Variants in CPNE4 observed in about 807,000 individuals in gnomAD.
CPNE4 encodes copine-4.
CPNE4 carries 25 observed loss-of-function variants against 67.9 expected under a neutral mutation model. That is an observed-to-expected ratio of 0.37 (90% confidence interval 0.27 to 0.51). The LOEUF (loss-of-function observed/expected upper bound fraction) is 0.51. CPNE4 is among the 20% of genes least tolerant of loss of function. The probability of loss-of-function intolerance (pLI) is 0.93; values close to 1 mark genes in which losing one functional copy is unlikely to be tolerated. For synonymous variants in CPNE4, 242 were observed against 244.9 expected, an observed-to-expected ratio of 0.99 and a Z score of 0.11; for missense variants, 464 against 690.8, an observed-to-expected ratio of 0.67 and a Z score of 3.68.
rs1446739775 is a variant in CPNE4 at position 132,015,250 on chromosome 3, AG to A, written c.-2+19316del. 4.6e-5 allele frequency among the ~76,000 whole-genome samples: 7 copies of A among 152,278 alleles called. No homozygotes were observed. In the East Asian group the frequency reaches 1.4e-3, roughly 29 times the overall value. ...CAAATTATTGCACATCTCTGGGCTT[AG>A]GTTTTTCTTATTTATAACACAGAGA... On this transcript the variant is annotated intron_variant, in intron 1 of 15. Transcript: ENST00000429747.
intron 2 of CPNE4, among the ~76,000 whole-genome samples, chr3:131,729,331 G>A (rs2082074539): frequency 6.6e-6 from 1 of 152,124 alleles, no homozygotes; most frequent in African/African-American, 2.4e-5. Context: ...ATAAAGAATG[G>A]CTTTATGTTT....
At chr3:131,946,840 T>G (rs1417436193) in intron 1 of CPNE4, among the ~76,000 whole-genome samples, 1 of 152,154 alleles carries the variant, frequency 6.6e-6, no homozygotes, top group Non-Finnish European at 1.5e-5. Flanking sequence ...CTCTTATATT[T>G]ATTTAGGTGT....
At chr3:131,679,609 G>A (rs1399143871) in intron 6 of CPNE4, among the ~76,000 whole-genome samples, 1 of 152,148 alleles carries the variant, frequency 6.6e-6, no homozygotes, top group South Asian at 2.1e-4. Flanking sequence ...CTGTGTCCCA[G>A]AGATTGTGGT....
intron 7 of CPNE4, among the ~76,000 whole-genome samples, chr3:131,625,170 C>T (rs775104724): frequency 6.6e-6 from 1 of 152,162 alleles, no homozygotes; most frequent in Non-Finnish European, 1.5e-5. Context: ...CAAAAGTTAA[C>T]AGTACAATTA....
chr3:131,664,809 C>T (rs547609608), intron 7 of CPNE4, among the ~76,000 whole-genome samples: 3 of 151,946 alleles, frequency 2.0e-5, no homozygotes, highest in Non-Finnish European at 2.9e-5. Flanking sequence ...CTCTAATATG[C>T]TTTAGAAATA....
At chr3:131,980,405 TC>T (rs1421958065) in intron 1 of CPNE4, among the ~76,000 whole-genome samples, 1 of 152,138 alleles carries the variant, frequency 6.6e-6, no homozygotes, top group African/African-American at 2.4e-5. Flanking sequence ...TATTCTTTTT[TC>T]TTTGTCTTTG....
intron 7 of CPNE4, among the ~76,000 whole-genome samples, chr3:131,601,977 C>T (rs553133470): frequency 6.7e-6 from 1 of 148,940 alleles, no homozygotes; most frequent in African/African-American, 2.4e-5. Context: ...TCTGTTAAAA[C>T]ACTAATTTGC....
At chr3:131,961,035 T>C (rs1441219312) in intron 1 of CPNE4, among the ~76,000 whole-genome samples, 1 of 152,078 alleles carries the variant, frequency 6.6e-6, no homozygotes, top group Non-Finnish European at 1.5e-5. Context: ...GAAAAAGAGG[T>C]ATAGAAATGT....
intron 2 of CPNE4, among the ~76,000 whole-genome samples, chr3:131,866,898 A>G (rs1338611045): frequency 6.6e-6 from 1 of 152,230 alleles, no homozygotes; most frequent in Non-Finnish European, 1.5e-5. Context: ...ACCTGACACA[A>G]CAGAGAACAC....
At chr3:131,930,653 T>C (rs2071034923) in intron 1 of CPNE4, among the ~76,000 whole-genome samples, 1 of 152,118 alleles carries the variant, frequency 6.6e-6, no homozygotes, top group African/African-American at 2.4e-5. Flanking sequence ...GTCTGCCACA[T>C]AGTAATTGCT....
chr3:131,921,423 A>G (rs1269214728), intron 1 of CPNE4, among the ~76,000 whole-genome samples: 1 of 152,212 alleles, frequency 6.6e-6, no homozygotes, highest in Non-Finnish European at 1.5e-5. Flanking sequence ...CCATATGCCC[A>G]ATACTTGATC....
At chr3:131,939,284 AAAGAAT>A (rs780822959) in intron 1 of CPNE4, among the ~76,000 whole-genome samples, 25 of 152,298 alleles carry the variant, frequency 1.6e-4, no homozygotes, top group Middle Eastern at 3.4e-3. Flanking sequence ...AACAACAACA[AAAGAAT>A]AAGGACGACA....
chr3:131,956,942 T>G (rs376755278), intron 1 of CPNE4, among the ~76,000 whole-genome samples: 8 of 152,364 alleles, frequency 5.3e-5, no homozygotes, highest in African/African-American at 1.4e-4. Flanking sequence ...TGCTGACATT[T>G]TTGTCATCAG....
intron 2 of CPNE4, among the ~76,000 whole-genome samples, chr3:131,890,427 T>C (rs2088067202): frequency 6.6e-6 from 1 of 151,542 alleles, no homozygotes; most frequent in African/African-American, 2.4e-5. Flanking sequence ...TATTATTTTT[T>C]TTTTAGAAAA....
At chr3:131,698,290 G>A (rs1439616503) in intron 4 of CPNE4, among the ~76,000 whole-genome samples, 1 of 145,008 alleles carries the variant, frequency 6.9e-6, no homozygotes, top group African/African-American at 2.6e-5. Flanking sequence ...TCTTGGATAT[G>A]TGGAGAAAGA....
rs542797297 is a variant in CPNE4, at chr3:131,763,095, AT to A, written c.181-39471del. On this transcript the variant is annotated intron_variant, in intron 2 of 15. Transcript: ENST00000429747. ...ATACCTTCCAGATATAGTAATTTAT[AT>A]TTCCCCCAAGAAGTTCTGAGTTGAT... 3.1e-3 allele frequency among the ~76,000 whole-genome samples: 465 copies of A among 152,202 alleles called. 2 individuals carry two copies. The highest frequency in any genetic ancestry group is 0.011 in the African/African-American group (441 of 41,554).
chr3:131,544,319 G>A (rs1367595829), intron 14 of CPNE4, among the ~76,000 whole-genome samples: 1 of 152,006 alleles, frequency 6.6e-6, no homozygotes, highest in Non-Finnish European at 1.5e-5. Context: ...TAGTTTGGTA[G>A]TACTAAAGAA....
chr3:131,975,347 G>A (rs1004456369), intron 1 of CPNE4, among the ~76,000 whole-genome samples: 2 of 152,174 alleles, frequency 1.3e-5, no homozygotes, highest in African/African-American at 4.8e-5. Flanking sequence ...AAAAACCCCG[G>A]TTGGCAACTT....
intron 7 of CPNE4, among the ~76,000 whole-genome samples, chr3:131,590,903 A>C (rs566542157): frequency 3.9e-5 from 6 of 152,182 alleles, no homozygotes; most frequent in Admixed American, 3.3e-4. Flanking sequence ...CTTTGACAGG[A>C]GTGATGGGAA....
Sources: allele counts gnomAD v4.1 joint callset (sites outside exome capture counted in the v4.1 genomes callset), GRCh38; gene constraint gnomAD v4.1.1; transcripts MANE v1.5; gene names NCBI Gene and HGNC (gene_info 2026-07-23, HGNC 2026-07-21).